SLAIN2: variants seen among roughly 807,000 people sequenced by gnomAD.
SLAIN2 encodes the protein SLAIN motif-containing protein 2.
In SLAIN2, 31 loss-of-function variants were observed where a neutral mutation model predicts 56.6. That is an observed-to-expected ratio of 0.55 (90% CI 0.41 to 0.74). The LOEUF is 0.74. SLAIN2 is among the 30% of genes least tolerant of loss of function. The pLI is 0.00. For synonymous variants in SLAIN2, 317 were observed against 284.9 expected (o/e 1.11, Z -1.13); for missense variants, 777 against 754.2 (o/e 1.03, Z -0.35).
intron 2 of SLAIN2, among the ~76,000 whole-genome samples, chr4:48,372,075 CAT>C (rs1228186749): frequency 1.3e-5 from 2 of 150,992 alleles, no homozygotes; most frequent in African/African-American, 4.9e-5. Context: ...CACACACACA[CAT>C]ATATATCCCT....
chr4:48,419,685 C>G (rs1440005858), intron 6 of SLAIN2, among the ~76,000 whole-genome samples: 2 of 152,154 alleles, frequency 1.3e-5, no homozygotes, highest in Non-Finnish European at 2.9e-5. Flanking sequence ...GGGATTTGGA[C>G]ATAGAGCCTC....
At chr4:48,412,363 T>G (rs1716878943) in intron 6 of SLAIN2, among the ~76,000 whole-genome samples, 1 of 112,154 alleles carries the variant, frequency 8.9e-6, no homozygotes, top group Non-Finnish European at 1.8e-5. Context: ...TGTTTGTATA[T>G]GTACACACAC....
At chr4:48,397,952 G>T (rs553057375) in intron 6 of SLAIN2, among the ~76,000 whole-genome samples, 2 of 152,298 alleles carry the variant, frequency 1.3e-5, no homozygotes, top group South Asian at 4.1e-4. Context: ...TGTGAATAGT[G>T]CCGCAATGAA....
intron 1 of SLAIN2, among the ~76,000 whole-genome samples, chr4:48,366,941 T>G (rs1458560544): frequency 1.3e-5 from 2 of 152,212 alleles, no homozygotes; most frequent in East Asian, 3.8e-4. Context: ...ATTCTATGAT[T>G]TAAGAAATTC....
At chr4:48,394,747 G>A in intron 6 of SLAIN2, 1 of 843,206 alleles carries the variant, frequency 1.2e-6, no homozygotes, top group Non-Finnish European at 1.8e-6. Context: ...TGTCTGTAAG[G>A]CACATTTTAG....
intron 6 of SLAIN2, among the ~76,000 whole-genome samples, chr4:48,404,362 A>G (rs994132630): frequency 3.3e-5 from 5 of 152,214 alleles, no homozygotes; most frequent in African/African-American, 7.2e-5. Flanking sequence ...TCTCTTTTCT[A>G]TCAGCTGACA....
chr4:48,405,568 C>T (rs938918495), intron 6 of SLAIN2, among the ~76,000 whole-genome samples: 2 of 151,940 alleles, frequency 1.3e-5, no homozygotes, highest in African/African-American at 4.8e-5. Context: ...ATAGTTGGAT[C>T]TAGACAATTA....
intron 6 of SLAIN2, among the ~76,000 whole-genome samples, chr4:48,404,736 G>A (rs765370046): frequency 5.3e-5 from 8 of 151,982 alleles, no homozygotes; most frequent in African/African-American, 1.9e-4. Context: ...GTCTTTCTCT[G>A]TAGTTAAATC....
chr4:48,403,912 CTT>C, intron 6 of SLAIN2, among the ~76,000 whole-genome samples: 1 of 152,292 alleles, frequency 6.6e-6, no homozygotes, highest in Admixed American at 6.5e-5. Context: ...GAGGGAATCT[CTT>C]GATCTGTGGG....
Position 48,341,542 on chromosome 4 carries a change from G to A in SLAIN2, c.-198G>A, listed in dbSNP as rs910838737. 10 of 717,526 alleles carry A rather than the reference G, an allele frequency of 1.4e-5. No individual in the cohort carries two copies. The highest frequency in any genetic ancestry group is 9.4e-5 in the African/African-American group (5 of 53,428). 44.4% of individuals were successfully genotyped at this position (717,526 alleles called of 1,614,324 possible). A position where few individuals can be genotyped will look rare whatever the true frequency, so the allele number is the denominator to read the frequency against. On this transcript the variant is annotated 5_prime_UTR_variant, in exon 1 of 8. Transcript: ENST00000264313. Reference sequence around the variant, plus strand: ...GCCGCCTCCCCCAATCCCGGAGCCGGCGCAGATGAGGCAGTTCGGCTGGGG... The same window carrying A: ...GCCGCCTCCCCCAATCCCGGAGCCGACGCAGATGAGGCAGTTCGGCTGGGG...
Position 48,341,570 on chromosome 4 carries a change from A to T in SLAIN2, c.-170A>T, listed in dbSNP as rs886685128. On this transcript the variant is annotated 5_prime_UTR_variant, in exon 1 of 8. Coordinates refer to ENST00000264313, the MANE Select transcript of SLAIN2 (RefSeq NM_020846.2). Reference sequence around the variant, plus strand: ...CAGATGAGGCAGTTCGGCTGGGGCCAGCGGCGCTTTGGAACCCGAGGTGGG... The same window carrying T: ...CAGATGAGGCAGTTCGGCTGGGGCCTGCGGCGCTTTGGAACCCGAGGTGGG... 7.6e-6 allele frequency: 8 copies of T among 1,057,222 alleles called. No homozygotes were observed. In the East Asian group the frequency reaches 2.6e-4, roughly 34 times the overall value. 65.5% of individuals were successfully genotyped at this position (1,057,222 alleles called of 1,614,324 possible).
intron 1 of SLAIN2, among the ~76,000 whole-genome samples, chr4:48,362,621 G>A (rs530965736): frequency 6.7e-5 from 9 of 135,132 alleles, no homozygotes; most frequent in African/African-American, 2.8e-4. Context: ...GGGTTTCACC[G>A]TGTTAGCCAG....
At chr4:48,358,849 T>A (rs763921554) in intron 1 of SLAIN2, among the ~76,000 whole-genome samples, 1 of 151,960 alleles carries the variant, frequency 6.6e-6, no homozygotes, top group Non-Finnish European at 1.5e-5. Context: ...GCCTCCTGAG[T>A]AGCTGGGATT....
chr4:48,413,037 G>C (rs1009187514), intron 6 of SLAIN2, among the ~76,000 whole-genome samples: 2 of 152,028 alleles, frequency 1.3e-5, no homozygotes, highest in African/African-American at 4.8e-5. Flanking sequence ...AGACCAGCCA[G>C]ACCATCATGG....
chr4:48,349,475 T>A (rs996856034), intron 1 of SLAIN2, among the ~76,000 whole-genome samples: 2 of 152,194 alleles, frequency 1.3e-5, no homozygotes, highest in Admixed American at 6.5e-5. Context: ...CCATGATGAA[T>A]TAAAGAAGAA....
At chr4:48,384,738 A>G (rs1351981877) in intron 6 of SLAIN2, among the ~76,000 whole-genome samples, 1 of 152,184 alleles carries the variant, frequency 6.6e-6, no homozygotes, top group African/African-American at 2.4e-5. Flanking sequence ...TTGAGTTTTT[A>G]TTTTGTGGCA....
chr4:48,408,735 TTTA>T (rs1254492590), intron 6 of SLAIN2, among the ~76,000 whole-genome samples: 3 of 152,116 alleles, frequency 2.0e-5, no homozygotes, highest in Non-Finnish European at 2.9e-5. Context: ...CTAAGGTTAA[TTTA>T]TTATTGAAGA....
chr4:48,425,345 G>A lies in SLAIN2; in HGVS notation c.*3268G>A, dbSNP rs1197667339. On this transcript the variant is annotated 3_prime_UTR_variant, in exon 8 of 8. Transcript: ENST00000264313. ...TTTGCCTAGATCATAACTATGTATG[G>A]TATCTAGTTAGAAAAAAACAAGCAA... 6.6e-6 allele frequency: 1 copy of A among 152,014 alleles called. No individual in the cohort carries two copies. The highest frequency in any genetic ancestry group is 1.5e-5 in the Non-Finnish European group (1 of 67,972). The allele number at this position is 152,014 out of a possible 1,614,324, so 9.4% of individuals were successfully genotyped here. A position where few individuals can be genotyped will look rare whatever the true frequency, so the allele number is the denominator to read the frequency against.
intron 6 of SLAIN2, among the ~76,000 whole-genome samples, chr4:48,412,253 C>G (rs1299694993): frequency 6.6e-6 from 1 of 151,922 alleles, no homozygotes; most frequent in Non-Finnish European, 1.5e-5. Context: ...TATTTTGATA[C>G]CTAATCAATT....
Sources: allele counts gnomAD v4.1 joint callset (sites outside exome capture counted in the v4.1 genomes callset), GRCh38; gene constraint gnomAD v4.1.1; transcripts MANE v1.5; gene names NCBI Gene and HGNC (gene_info 2026-07-23, HGNC 2026-07-21).